Variants in ZNF727 observed in about 807,000 individuals in gnomAD.
ZNF727 encodes the protein putative zinc finger protein 727.
A neutral mutation model predicts 11.5 loss-of-function variants in ZNF727; 11 were observed. The ratio of observed to expected loss-of-function variants is 0.95; its 90% CI spans 0.60 to 1.58. The LOEUF (loss-of-function observed/expected upper bound fraction) is 1.58, where lower values mean the gene tolerates loss of function less well. Among genes scored for constraint, ZNF727 ranks in the 40% most tolerant of loss-of-function variants. ZNF727 has a pLI of 0.00. For synonymous variants in ZNF727, 171 were observed against 196.1 expected, an observed-to-expected ratio of 0.87 and a Z score of 1.07; for missense variants, 533 against 581.7, an observed-to-expected ratio of 0.92 and a Z score of 0.86.
At chr7:64,059,184 C>G (rs760524496) in intron 1 of ZNF727, among the ~76,000 whole-genome samples, 13 of 152,146 alleles carry the variant, frequency 8.5e-5, no homozygotes, top group African/African-American at 1.9e-4. Flanking sequence ...ACCTTGTGAT[C>G]TGCCTGCCTC....
chr7:64,065,600 AAAAT>A (rs1357315428), intron 1 of ZNF727, among the ~76,000 whole-genome samples: 1 of 152,214 alleles, frequency 6.6e-6, no homozygotes, highest in Non-Finnish European at 1.5e-5. Flanking sequence ...AAGGAGAAGA[AAAAT>A]AAAGAAATGG....
intron 1 of ZNF727, among the ~76,000 whole-genome samples, chr7:64,065,114 A>G (rs139381779): frequency 6.6e-6 from 1 of 152,060 alleles, no homozygotes; most frequent in South Asian, 2.1e-4. Flanking sequence ...CTATTTAGTC[A>G]TCTTGCTCCA....
chr7:64,051,155 A>G (rs1332490287), intron 1 of ZNF727, among the ~76,000 whole-genome samples: 2 of 152,186 alleles, frequency 1.3e-5, no homozygotes, highest in Admixed American at 6.5e-5. Context: ...CAAAGCAACA[A>G]AAGTTTCCAT....
Position 64,079,314 on chromosome 7 carries a change from A to G in ZNF727, c.*765A>G, listed in dbSNP as rs1451041319. On this transcript the variant is annotated 3_prime_UTR_variant, in exon 4 of 4. Transcript: ENST00000456806. Reference sequence around the variant, plus strand: ...CAACATCAGAGACTTACTACTGAACAAATGTAGTATAAAGGTAATGACTTG... The same window carrying G: ...CAACATCAGAGACTTACTACTGAACGAATGTAGTATAAAGGTAATGACTTG... Among the ~76,000 whole-genome samples, 1 of 152,248 alleles carries G rather than the reference A, an allele frequency of 6.6e-6. No homozygotes were observed. The highest frequency in any genetic ancestry group is 1.5e-5 in the Non-Finnish European group (1 of 68,048).
chr7:64,059,213 G>T (rs1028887098), intron 1 of ZNF727, among the ~76,000 whole-genome samples: 1 of 152,052 alleles, frequency 6.6e-6, no homozygotes, highest in African/African-American at 2.4e-5. Context: ...AAAGTGCTGG[G>T]ATTACAGGCA....
At position 64,077,549 on chromosome 7, in the gene ZNF727, T is replaced by C; in HGVS notation, c.500T>C (p.Phe167Ser). 6.4e-7 allele frequency: 1 copy of C among 1,551,396 alleles called. No individual in the cohort carries two copies. The highest frequency in any genetic ancestry group is 8.7e-7 in the Non-Finnish European group (1 of 1,146,794). ...CSIFTEHKKI[F>S]SREKCYKCEE... is the part of the protein sequence containing the mutation. ...ATCTTCACTGAACATAAGAAAATTT[T>C]TAGCAGAGAGAAATGCTACAAATGT... Residue 167 changes from phenylalanine to serine, a missense_variant, in exon 4 of 4, where the codon TTT becomes TCT. Phe to Ser is a radical substitution (Grantham distance 155). Transcript: ENST00000456806.
chr7:64,055,079 A>G (rs1789661861), intron 1 of ZNF727, among the ~76,000 whole-genome samples: 1 of 152,172 alleles, frequency 6.6e-6, no homozygotes, highest in Non-Finnish European at 1.5e-5. Context: ...TAAAAATAAT[A>G]TTGTAAAATA....
rs1391164562 is a variant in ZNF727 at position 64,069,027 on chromosome 7, A to G, written c.130+10A>G. 7 of 1,578,620 alleles carry G rather than the reference A, an allele frequency of 4.4e-6. No homozygotes were observed. Among genetic ancestry groups the G allele is most frequent in the Admixed American group, 3.8e-5 (2 of 52,460 alleles). On this transcript the variant is annotated intron_variant, in intron 2 of 3. Coordinates refer to ENST00000456806, the MANE Select transcript of ZNF727 (RefSeq NM_001159522.3). The stretch of plus-strand genomic sequence containing the variant: ...AACCTGTTCTCCTTGGGTGAGAATA[A>G]CTTCAATATACAACTCATATTCTAC...
chr7:64,062,638 A>G (rs371805030), intron 1 of ZNF727, among the ~76,000 whole-genome samples: 1 of 134,592 alleles, frequency 7.4e-6, no homozygotes, highest in Admixed American at 7.9e-5. Context: ...TCAGGTGGTC[A>G]TATTTAAGTG....
At chr7:64,049,997 T>C (rs956338292) in intron 1 of ZNF727, among the ~76,000 whole-genome samples, 1 of 151,842 alleles carries the variant, frequency 6.6e-6, no homozygotes, top group African/African-American at 2.4e-5. Flanking sequence ...AGTTAAACTT[T>C]CTATTATCCA....
rs933469813 is a variant in ZNF727, at chr7:64,079,111, A to T, written c.*562A>T. ...GTGGCAAAACCTTTATGTGGCTCTC[A>T]GACTTTACTAATCATAAGAGAATTC... On this transcript the variant is annotated 3_prime_UTR_variant, in exon 4 of 4. Coordinates refer to ENST00000456806, the MANE Select transcript of ZNF727 (RefSeq NM_001159522.3). 2.0e-5 allele frequency among the ~76,000 whole-genome samples: 3 copies of T among 152,170 alleles called. No individual in the cohort carries two copies. Among genetic ancestry groups the T allele is most frequent in the Non-Finnish European group, 4.4e-5 (3 of 68,016 alleles).
chr7:64,063,890 A>T (rs1584148128), intron 1 of ZNF727, among the ~76,000 whole-genome samples: 1 of 151,924 alleles, frequency 6.6e-6, no homozygotes, highest in Non-Finnish European at 1.5e-5. Context: ...GTAAGAAGCC[A>T]TTCCCCATTG....
rs1346287706 is a variant in ZNF727, at chr7:64,083,595, C to T, written c.*5046C>T. On this transcript the variant is annotated 3_prime_UTR_variant, in exon 4 of 4. Coordinates refer to ENST00000456806, the MANE Select transcript of ZNF727 (RefSeq NM_001159522.3). Reference sequence around the variant, plus strand: ...GCTGCTCTGCTGAGACTCCACATAGCTCTGTGTGTTAAATTGAAGGCCTTG... The same window carrying T: ...GCTGCTCTGCTGAGACTCCACATAGTTCTGTGTGTTAAATTGAAGGCCTTG... 2.6e-5 allele frequency among the ~76,000 whole-genome samples: 4 copies of T among 152,202 alleles called. No individual in the cohort carries two copies. Among genetic ancestry groups the T allele is most frequent in the African/African-American group, 7.2e-5 (3 of 41,444 alleles).
chr7:64,069,086 A>C, intron 2 of ZNF727, 69 bp downstream of exon 2: 2 of 1,434,744 alleles, frequency 1.4e-6, no homozygotes, highest in South Asian at 3.0e-5. Flanking sequence ...TTTTTTTTGA[A>C]GTTCTGCTTT....
At chr7:64,070,021 A>G (rs553236503) in intron 3 of ZNF727, among the ~76,000 whole-genome samples, 1 of 152,184 alleles carries the variant, frequency 6.6e-6, no homozygotes, top group African/African-American at 2.4e-5. Context: ...GTCTAAATGT[A>G]GAAGTTTTGG....
Position 64,045,632 on chromosome 7 carries a change from C to A in ZNF727, c.3+8C>A. ...TCCGGAGGCTGGGAAATGGTGAGTGCGCGGAGTGGGTGTCCCGAGAAGGGG... is the reference window on the plus strand; with the variant it reads ...TCCGGAGGCTGGGAAATGGTGAGTGAGCGGAGTGGGTGTCCCGAGAAGGGG... On this transcript the variant is annotated splice_region_variant and intron_variant, in intron 1 of 3. Coordinates refer to ENST00000456806, the MANE Select transcript of ZNF727 (RefSeq NM_001159522.3). 1.3e-6 allele frequency: 2 copies of A among 1,559,206 alleles called. No individual in the cohort carries two copies. The highest frequency in any genetic ancestry group is 1.7e-6 in the Non-Finnish European group (2 of 1,151,200).
chr7:64,078,286 A>G lies in ZNF727; in HGVS notation c.1237A>G (p.Lys413Glu), dbSNP rs376378694. 6.3e-6 allele frequency: 10 copies of G among 1,591,436 alleles called. No individual in the cohort carries two copies. The East Asian group carries it at 6.9e-5, about 11-fold the overall frequency. The change falls in exon 4 of 4, where the codon AAA (lysine) becomes GAA (glutamate). Residue 413 changes from lysine (K) to glutamate (E), a missense_variant. This residue lies in a region of ZNF727 where 463 missense variants were observed against 494.5 expected (regional missense o/e 0.94). Transcript: ENST00000456806. ...KSFTCSSNLI[K>E]HKRIHMEVRP... is the part of the protein sequence containing the mutation. The stretch of plus-strand genomic sequence containing the variant: ...CTTTACCTGCTCCTCAAACCTTATT[A>G]AACACAAGAGAATTCATATGGAAGT...
At chr7:64,048,745 T>A (rs1584139305) in intron 1 of ZNF727, among the ~76,000 whole-genome samples, 1 of 152,250 alleles carries the variant, frequency 6.6e-6, no homozygotes, top group Admixed American at 6.5e-5. Flanking sequence ...CAGTAATTCT[T>A]TCTAAGCTTA....
intron 1 of ZNF727, among the ~76,000 whole-genome samples, chr7:64,055,097 CAT>C (rs1789662288): frequency 6.6e-6 from 1 of 151,922 alleles, no homozygotes; most frequent in Non-Finnish European, 1.5e-5. Context: ...ATATGCATAA[CAT>C]AGAATATATT....
Sources: allele counts gnomAD v4.1 joint callset (sites outside exome capture counted in the v4.1 genomes callset), GRCh38; gene constraint gnomAD v4.1.1; regional missense constraint gnomAD v4.1.1; transcripts MANE v1.5; gene names NCBI Gene and HGNC (gene_info 2026-07-23, HGNC 2026-07-21).